AXL: variants seen among roughly 807,000 people sequenced by gnomAD.
AXL encodes AXL receptor tyrosine kinase, also known as tyrosine-protein kinase receptor UFO.
Under a neutral mutation model 104.5 loss-of-function variants are expected in AXL, and 52 were observed. The ratio of observed to expected loss-of-function variants is 0.50; its 90% CI spans 0.40 to 0.63. The LOEUF (loss-of-function observed/expected upper bound fraction) is 0.63, where lower values mean the gene tolerates loss of function less well. Among genes scored for constraint, AXL ranks in the 20% least tolerant of loss-of-function variants. The pLI is 0.00. For missense variants in AXL, 1,024 were observed against 1,188.5 expected (o/e 0.86, Z 2.04); for synonymous variants, 455 against 473.7 (o/e 0.96, Z 0.51).
chr19:41,236,717 C>T (rs972180510), intron 6 of AXL, among the ~76,000 whole-genome samples: 6 of 150,168 alleles, frequency 4.0e-5, no homozygotes, highest in African/African-American at 9.8e-5. Context: ...ACGGAGGTTG[C>T]AGTGAGCCAA....
Position 41,221,117 on chromosome 19 carries a change from CCT to C in AXL, c.309-24_309-23del, listed in dbSNP as rs760150484. 3.0e-5 allele frequency: 48 copies of C among 1,602,050 alleles called. No individual in the cohort carries two copies. In the South Asian group the frequency reaches 4.8e-4, roughly 16 times the overall value. On this transcript the variant is annotated intron_variant, in intron 2 of 19. Coordinates refer to ENST00000301178, the MANE Select transcript of AXL (RefSeq NM_021913.5). ...CCCAGTGTCCAGCTCTGACCCTGAA[CCT>C]CTCTGTCTCTCCTCTTGCCCTGTCA...
intron 14 of AXL, among the ~76,000 whole-genome samples, chr19:41,251,894 G>A (rs546018808): frequency 2.6e-5 from 4 of 151,516 alleles, no homozygotes; most frequent in East Asian, 3.9e-4. Context: ...CGGGCAGATC[G>A]TGAGGTCAGG....
At position 41,238,595 on chromosome 19, in the gene AXL, C is replaced by G; in HGVS notation, c.1120C>G (p.Gln374Glu). ...LLGYRLAYQG[Q>E]DTPEVLMDIG... The stretch of plus-strand genomic sequence containing the variant: ...AGGGTACCGGCTGGCGTATCAAGGC[C>G]AGGACACCCCAGAGGTGGGTGCTGC... The change falls in exon 8 of 20, where the codon CAG becomes GAG. Residue 374 changes from glutamine to glutamate, a missense_variant. By Grantham distance (29) the Gln-to-Glu change is conservative. This residue lies in a region of AXL where 332 missense variants were observed against 343.9 expected (regional missense o/e 0.97). Coordinates refer to ENST00000301178, the MANE Select transcript of AXL (RefSeq NM_021913.5). 1 of 1,610,708 alleles carries G rather than the reference C, an allele frequency of 6.2e-7. No individual in the cohort carries two copies. The highest frequency in any genetic ancestry group is 8.5e-7 in the Non-Finnish European group (1 of 1,177,850).
intron 6 of AXL, among the ~76,000 whole-genome samples, chr19:41,235,107 C>T (rs1304555892): frequency 2.6e-5 from 4 of 152,148 alleles, no homozygotes; most frequent in Admixed American, 1.3e-4. Context: ...GATCCCAGCA[C>T]TTTGGGAGGC....
At chr19:41,221,313 C>G in intron 3 of AXL, 67 bp downstream of exon 3, 1 of 1,451,178 alleles carries the variant, frequency 6.9e-7, no homozygotes, top group Non-Finnish European at 9.5e-7. Flanking sequence ...TGTGGGAAGT[C>G]AGGAATCCTG....
At chr19:41,239,576 C>G in intron 9 of AXL, 118 bp from the exon 10 acceptor site, 1 of 1,298,374 alleles carries the variant, frequency 7.7e-7, no homozygotes, top group Non-Finnish European at 1.1e-6. Context: ...AACCTTCACT[C>G]CCTTACTCGT....
intron 6 of AXL, among the ~76,000 whole-genome samples, chr19:41,235,505 T>G (rs1159052655): frequency 6.6e-6 from 1 of 152,178 alleles, no homozygotes; most frequent in Admixed American, 6.5e-5. Context: ...CATCCCATTT[T>G]ACAGGTGAGA....
rs919116035 is a variant in AXL at position 41,260,284 on chromosome 19, G to A, written c.*380G>A. 2 of 160,124 alleles carry A rather than the reference G, an allele frequency of 1.2e-5. No homozygotes were observed. Among genetic ancestry groups the A allele is most frequent in the Non-Finnish European group, 2.4e-5 (2 of 81,700 alleles). The allele number at this position is 160,124 out of a possible 1,614,324, so 9.9% of individuals were successfully genotyped here. A position where few individuals can be genotyped will look rare whatever the true frequency, so the allele number is the denominator to read the frequency against. On this transcript the variant is annotated 3_prime_UTR_variant, in exon 20 of 20. Transcript: ENST00000301178. ...GTCTCTAATTCTATTAAAGTGCTAA[G>A]GTTCTAAGGCCTACTTTTTTTTTTT...
rs183035817 is a variant in AXL, at chr19:41,243,843, C to T, written c.1537+136C>T. 82 of 664,388 alleles carry T rather than the reference C, an allele frequency of 1.2e-4. No homozygotes were observed. In the African/African-American group the frequency reaches 1.3e-3, roughly 11 times the overall value. 41.2% of individuals were successfully genotyped at this position (664,388 alleles called of 1,614,324 possible). A position where few individuals can be genotyped will look rare whatever the true frequency, so the allele number is the denominator to read the frequency against. ...ATACTAGAATGTCAGAACCACAGAC[C>T]CTAGAAATAACAGATTTGTGGAACC... On this transcript the variant is annotated intron_variant, in intron 12 of 19. Coordinates refer to ENST00000301178, the MANE Select transcript of AXL (RefSeq NM_021913.5).
chr19:41,239,570 TTCACTCCCTTACTCGTGCCACACCC>T lies in AXL; in HGVS notation c.1286-111_1286-87del, dbSNP rs771584171. On this transcript the variant is annotated intron_variant, in intron 9 of 19. Transcript: ENST00000301178. Reference sequence around the variant, plus strand: ...CTCACTCCCTTACCCGTGCCAAACCTTCACTCCCTTACTCGTGCCACACCCTCACTCCCTTACCCGTGCCACACCC... The same window carrying T: ...CTCACTCCCTTACCCGTGCCAAACCTTCACTCCCTTACCCGTGCCACACCC... The T allele has an allele frequency of 0.032, 40,286 of 1,277,584 alleles. 1,977 individuals carry two copies. The highest frequency in any genetic ancestry group is 0.2 in the African/African-American group (12,609 of 62,814). 79.1% of individuals were successfully genotyped at this position (1,277,584 alleles called of 1,614,324 possible). A position where few individuals can be genotyped will look rare whatever the true frequency, so the allele number is the denominator to read the frequency against.
At chr19:41,247,239 C>A (rs890669755) in intron 12 of AXL, among the ~76,000 whole-genome samples, 3 of 152,154 alleles carry the variant, frequency 2.0e-5, no homozygotes, top group Non-Finnish European at 2.9e-5. Context: ...GTTGGCCAGG[C>A]GTGGTGGCTC....
rs2034319385 is a variant in AXL at position 41,249,144 on chromosome 19, T to C, written c.1711+324T>C. Among the ~76,000 whole-genome samples the C allele has an allele frequency of 2.0e-5, 3 of 152,098 alleles. No individual in the cohort carries two copies. In the South Asian group the frequency reaches 6.2e-4, roughly 32 times the overall value. On this transcript the variant is annotated intron_variant, in intron 14 of 19. Transcript: ENST00000301178. ...GCTAGGGACACCAGGCAGGAGCTGG[T>C]ATCACAGAGTTAGAGGCTGCTCTGT... is the stretch of plus-strand genomic sequence containing the variant.
intron 17 of AXL, among the ~76,000 whole-genome samples, chr19:41,255,175 G>T (rs2034432943): frequency 6.6e-6 from 1 of 152,170 alleles, no homozygotes; most frequent in Admixed American, 6.5e-5. Context: ...CTTTGTGTCT[G>T]GCTTCTATGG....
chr19:41,259,521 T>C, intron 19 of AXL, 32 bp from the exon 20 acceptor site: 1 of 1,552,132 alleles, frequency 6.4e-7, no homozygotes, highest in Non-Finnish European at 8.7e-7. Flanking sequence ...GAGTCCCTGC[T>C]CAATCTCCCA....
chr19:41,230,300 ATCTC>A lies in AXL; in HGVS notation c.587-661_587-658del, dbSNP rs926427702. Among the ~76,000 whole-genome samples, 8 of 140,142 alleles carry A rather than the reference ATCTC, an allele frequency of 5.7e-5. No homozygotes were observed. The South Asian group carries it at 6.8e-4, about 12-fold the overall frequency. 91.9% of individuals were successfully genotyped at this position (140,142 alleles called of 152,430 possible). A position where few individuals can be genotyped will look rare whatever the true frequency, so the allele number is the denominator to read the frequency against. On this transcript the variant is annotated intron_variant, in intron 4 of 19. Transcript: ENST00000301178. The stretch of plus-strand genomic sequence containing the variant: ...TGAGCATGTGTGTGTATGAGTATGT[ATCTC>A]TCTCTGGGGTGTAAGAATGTGTGTG...
rs774132867 is a variant in AXL at position 41,220,692 on chromosome 19, C to T, written c.142C>T (p.Arg48Trp). The change falls in exon 2 of 20, where the codon CGG becomes TGG. Residue 48 changes from arginine to tryptophan, a missense_variant. Around this residue, in one of 5 missense-constraint regions of AXL, gnomAD observed 124 missense variants for 115.5 expected, o/e 1.07. Coordinates refer to ENST00000301178, the MANE Select transcript of AXL (RefSeq NM_021913.5). ...CAACCCAGGGAATATCACAGGTGCC[C>T]GGGGACTCACGGGCACCCTTCGGTG... ...VGNPGNITGA[R>W]GLTGTLRCQL... The T allele has an allele frequency of 8.1e-6, 13 of 1,611,428 alleles. No individual in the cohort carries two copies. The highest frequency in any genetic ancestry group is 9.3e-6 in the Non-Finnish European group (11 of 1,178,866).
At position 41,221,984 on chromosome 19, in the gene AXL, C is replaced by T; in HGVS notation, c.514C>T (p.Leu172Phe). The change falls in exon 4 of 20, where the codon CTC becomes TTC. Residue 172 changes from leucine to phenylalanine, a missense_variant. Physicochemically the swap from Leu to Phe is conservative, Grantham distance 22. Transcript: ENST00000301178. Reference protein sequence around the residue: ...AQGPPEPVDLLWLQDAVPLAT... With the variant: ...AQGPPEPVDLFWLQDAVPLAT... ...GGGACCCCCAGAGCCCGTGGACCTA[C>T]TCTGGCTCCAGGATGCTGTCCCCCT... is the stretch of plus-strand genomic sequence containing the variant. 1 of 1,611,094 alleles carries T rather than the reference C, an allele frequency of 6.2e-7. No individual in the cohort carries two copies.
At position 41,231,297 on chromosome 19, in the gene AXL, A is replaced by G; in HGVS notation, c.782A>G (p.Gln261Arg). 4 of 1,611,216 alleles carry G rather than the reference A, an allele frequency of 2.5e-6. No individual in the cohort carries two copies. Among genetic ancestry groups the G allele is most frequent in the Non-Finnish European group, 3.4e-6 (4 of 1,178,216 alleles). The change falls in exon 6 of 20, where the codon CAG becomes CGG. Residue 261 changes from glutamine (Q) to arginine (R), a missense_variant and splice_region_variant. Transcript: ENST00000301178. ...GIYPLTHCTL[Q>R]AVLSDDGMGI... ...TACCCCCTGACCCACTGCACCCTGC[A>G]GGTGAGACTCCCAAACTTGGTTCAT... is the stretch of plus-strand genomic sequence containing the variant.
At chr19:41,245,124 T>C (rs1011929073) in intron 12 of AXL, among the ~76,000 whole-genome samples, 1 of 150,160 alleles carries the variant, frequency 6.7e-6, no homozygotes, top group Admixed American at 6.6e-5. Context: ...AGAGACAAGG[T>C]TTCACCATAT....
Sources: gnomAD v4.1 joint callset for allele counts (sites outside exome capture counted in the v4.1 genomes callset) on GRCh38, gnomAD v4.1.1 for gene constraint, gnomAD v4.1.1 regional missense constraint, MANE v1.5 for transcripts, NCBI Gene and HGNC (gene_info 2026-07-23, HGNC 2026-07-21) for gene names.